EYA3: variants seen among roughly 807,000 people sequenced by gnomAD.
EYA3 encodes the protein EYA transcriptional coactivator and phosphatase 3.
A neutral mutation model predicts 80.0 loss-of-function variants in EYA3; 39 were observed. The ratio of observed to expected loss-of-function variants is 0.49; its 90% CI spans 0.38 to 0.64. EYA3 has a LOEUF of 0.64. Ranked by LOEUF, EYA3 falls within the 30% of genes least tolerant of loss-of-function variation. The probability of loss-of-function intolerance (pLI) is 0.00; values close to 1 mark genes in which losing one functional copy is unlikely to be tolerated. For missense variants in EYA3, 523 were observed against 676.1 expected, an observed-to-expected ratio of 0.77 and a Z score of 2.51; for synonymous variants, 206 against 232.8, an observed-to-expected ratio of 0.88 and a Z score of 1.05.
chr1:28,072,613 ACTGC>A (rs1303317616), intron 1 of EYA3, among the ~76,000 whole-genome samples: 1 of 152,226 alleles, frequency 6.6e-6, no homozygotes, highest in Non-Finnish European at 1.5e-5. Flanking sequence ...GAAATTGCAC[ACTGC>A]TGGTGGGAAT....
Position 28,042,215 on chromosome 1 carries a change from T to C in EYA3, c.157+356A>G, listed in dbSNP as rs1483350839. Reference sequence around the variant, plus strand: ...CTATATAGAACTCAAGACACACCTTTTAAAAAAAAGTTACACCTTTTTAAA... The same window carrying C: ...CTATATAGAACTCAAGACACACCTTCTAAAAAAAAGTTACACCTTTTTAAA... On this transcript the variant is annotated intron_variant, in intron 4 of 17. Coordinates refer to ENST00000373871, the MANE Select transcript of EYA3 (RefSeq NM_001990.4). Among the ~76,000 whole-genome samples, 4 of 152,160 alleles carry C rather than the reference T, an allele frequency of 2.6e-5. No homozygotes were observed. The East Asian group carries it at 7.7e-4, about 29-fold the overall frequency.
intron 1 of EYA3, among the ~76,000 whole-genome samples, chr1:28,081,744 GA>G (rs1645437474): frequency 6.6e-6 from 1 of 152,084 alleles, no homozygotes; most frequent in African/African-American, 2.4e-5. Flanking sequence ...GGAAACTAAA[GA>G]AAAAATTCAA....
At chr1:27,983,066 C>T (rs1310095268) in intron 16 of EYA3, among the ~76,000 whole-genome samples, 1 of 152,078 alleles carries the variant, frequency 6.6e-6, no homozygotes, top group Non-Finnish European at 1.5e-5. Context: ...AAGAATTACT[C>T]AAAGGTAGAG....
intron 2 of EYA3, among the ~76,000 whole-genome samples, chr1:28,051,158 A>C (rs188590948): frequency 9.2e-5 from 14 of 152,310 alleles, no homozygotes; most frequent in Admixed American, 9.1e-4. Flanking sequence ...AAGCTGAAAA[A>C]GCTCCGTTAG....
intron 16 of EYA3, among the ~76,000 whole-genome samples, chr1:27,985,006 T>C (rs1639555570): frequency 6.6e-6 from 1 of 152,198 alleles, no homozygotes; most frequent in South Asian, 2.1e-4. Context: ...TTAATCCCGA[T>C]CACTCCCCTA....
intron 1 of EYA3, among the ~76,000 whole-genome samples, chr1:28,074,669 C>T (rs1301030129): frequency 2.6e-5 from 4 of 152,096 alleles, no homozygotes; most frequent in Non-Finnish European, 1.5e-5. Flanking sequence ...ATACTAAAGT[C>T]TAACATTTGG....
chr1:28,069,609 G>C (rs1644952781), intron 1 of EYA3, among the ~76,000 whole-genome samples: 1 of 148,390 alleles, frequency 6.7e-6, no homozygotes. Flanking sequence ...AGGGAAAGGA[G>C]AAAGGGAGGG....
chr1:28,004,264 G>A, intron 11 of EYA3, 72 bp downstream of exon 11: 1 of 1,050,860 alleles, frequency 9.5e-7, no homozygotes, highest in East Asian at 2.5e-5. Context: ...GAAATAATTT[G>A]TTATGTGTCA....
intron 8 of EYA3, among the ~76,000 whole-genome samples, chr1:28,014,605 G>A (rs1641919040): frequency 6.6e-6 from 1 of 151,790 alleles, no homozygotes. Context: ...GCATGCACCT[G>A]TAGTCCCAGC....
Position 27,989,687 on chromosome 1 carries a change from A to C in EYA3, c.1418+10T>G. The C allele has an allele frequency of 2.3e-4, 353 of 1,568,188 alleles. No individual in the cohort carries two copies. Among genetic ancestry groups the C allele is most frequent in the Non-Finnish European group, 2.8e-4 (316 of 1,143,116 alleles). On this transcript the variant is annotated intron_variant, in intron 15 of 17. Coordinates refer to ENST00000373871, the MANE Select transcript of EYA3 (RefSeq NM_001990.4). ...TGAGAGGATGAGACCTAAAAGAACC[A>C]TTTCCATACCTGGACTGGATGAGAA...
rs1190941941 is a variant in EYA3 at position 27,973,546 on chromosome 1, A to AC, written c.*919dup. 6.6e-6 allele frequency: 1 copy of AC among 152,114 alleles called. No individual in the cohort carries two copies. The highest frequency in any genetic ancestry group is 1.5e-5 in the Non-Finnish European group (1 of 68,042). The allele number at this position is 152,114 out of a possible 1,614,324, so 9.4% of individuals were successfully genotyped here. A position where few individuals can be genotyped will look rare whatever the true frequency, so the allele number is the denominator to read the frequency against. On this transcript the variant is annotated 3_prime_UTR_variant, in exon 18 of 18. Transcript: ENST00000373871. ...GTTTGGAAGCTAAGCCTCCTGTGAT[A>AC]CAGTCTGAATGACAGTCAAGCTGAA... is the stretch of plus-strand genomic sequence containing the variant.
rs1638767276 is a variant in EYA3, at chr1:27,972,431, T to C, written c.*2035A>G. The stretch of plus-strand genomic sequence containing the variant: ...CAGCTACTCAGCAAAAACTTACTCC[T>C]TAAAATCACGAGTTATGAGCGCTTT... On this transcript the variant is annotated 3_prime_UTR_variant, in exon 18 of 18. Coordinates refer to ENST00000373871, the MANE Select transcript of EYA3 (RefSeq NM_001990.4). 6.6e-6 allele frequency: 1 copy of C among 152,204 alleles called. No homozygotes were observed. The allele number at this position is 152,204 out of a possible 1,614,324, so 9.4% of individuals were successfully genotyped here.
intron 1 of EYA3, among the ~76,000 whole-genome samples, chr1:28,085,708 G>A (rs1287370444): frequency 2.0e-5 from 3 of 152,122 alleles, no homozygotes; most frequent in East Asian, 1.9e-4. Context: ...GAAAATCAAC[G>A]GTAATTTTTT....
intron 1 of EYA3, among the ~76,000 whole-genome samples, chr1:28,075,950 C>T (rs2148941907): frequency 6.6e-6 from 1 of 152,334 alleles, no homozygotes; most frequent in Middle Eastern, 3.4e-3. Context: ...CACTCAGAAT[C>T]CTTTGTATTC....
chr1:27,991,326 G>A (rs1254821377), intron 14 of EYA3, among the ~76,000 whole-genome samples: 1 of 152,234 alleles, frequency 6.6e-6, no homozygotes, highest in East Asian at 1.9e-4. Context: ...TTCAGAACAT[G>A]TTGACATGAA....
In EYA3 at chr1:27,970,469, T is replaced by C. The variant is rs1638690094; in HGVS notation, c.*3997A>G. On this transcript the variant is annotated 3_prime_UTR_variant, in exon 18 of 18. Coordinates refer to ENST00000373871, the MANE Select transcript of EYA3 (RefSeq NM_001990.4). The stretch of plus-strand genomic sequence containing the variant: ...ACATAAATATATCCAATCCAATCAA[T>C]GCCTTTTCCTGCTAACAGAGGCATC... 1 of 152,228 alleles carries C rather than the reference T, an allele frequency of 6.6e-6. No homozygotes were observed. Among genetic ancestry groups the C allele is most frequent in the South Asian group, 2.1e-4 (1 of 4,838 alleles). 9.4% of individuals were successfully genotyped at this position (152,228 alleles called of 1,614,324 possible). A position where few individuals can be genotyped will look rare whatever the true frequency, so the allele number is the denominator to read the frequency against.
chr1:28,044,811 C>A (rs1643941134), intron 3 of EYA3, among the ~76,000 whole-genome samples: 1 of 151,996 alleles, frequency 6.6e-6, no homozygotes, highest in Admixed American at 6.6e-5. Context: ...CTCACTCGGT[C>A]ACCCAGGCTG....
chr1:28,029,917 G>C (rs1331493191), intron 6 of EYA3, among the ~76,000 whole-genome samples: 1 of 152,062 alleles, frequency 6.6e-6, no homozygotes, highest in Non-Finnish European at 1.5e-5. Flanking sequence ...ATGCCTGGTT[G>C]TTCACTGTGT....
At chr1:28,084,055 AC>A (rs756246530) in intron 1 of EYA3, among the ~76,000 whole-genome samples, 7 of 152,224 alleles carry the variant, frequency 4.6e-5, no homozygotes, top group Non-Finnish European at 8.8e-5. Flanking sequence ...TAAGATCTTC[AC>A]GATATTAAGC....
Sources: allele counts gnomAD v4.1 joint callset (sites outside exome capture counted in the v4.1 genomes callset), GRCh38; gene constraint gnomAD v4.1.1; transcripts MANE v1.5; gene names NCBI Gene and HGNC (gene_info 2026-07-23, HGNC 2026-07-21).